The following ARHGAP10 variants were observed in gnomAD, a reference collection of about 807,000 sequenced individuals.
ARHGAP10 encodes rho GTPase-activating protein 10.
ARHGAP10 carries 87 observed loss-of-function variants against 108.6 expected under a neutral mutation model. The ratio of observed to expected loss-of-function variants is 0.80; its 90% CI spans 0.67 to 0.96. ARHGAP10 has a LOEUF of 0.96. ARHGAP10 is among the 40% of genes least tolerant of loss of function. The pLI is 0.00. For missense variants in ARHGAP10, 939 were observed against 954.5 expected, an observed-to-expected ratio of 0.98 and a Z score of 0.21; for synonymous variants, 347 against 341.1, an observed-to-expected ratio of 1.02 and a Z score of -0.19.
intron 4 of ARHGAP10, among the ~76,000 whole-genome samples, chr4:147,849,211 G>A (rs1040635109): frequency 1.3e-5 from 2 of 149,330 alleles, no homozygotes; most frequent in Non-Finnish European, 3.0e-5. Flanking sequence ...TTTTCATTAG[G>A]TTGTTAAATC....
intron 18 of ARHGAP10, among the ~76,000 whole-genome samples, chr4:147,967,415 G>A (rs546725568): frequency 3.3e-5 from 5 of 152,308 alleles, no homozygotes; most frequent in African/African-American, 4.8e-5. Context: ...AATTGGGGAA[G>A]GGTAAACTCT....
At chr4:147,953,839 A>G (rs1357409576) in intron 15 of ARHGAP10, among the ~76,000 whole-genome samples, 1 of 151,962 alleles carries the variant, frequency 6.6e-6, no homozygotes, top group African/African-American at 2.4e-5. Context: ...TCATTAAGGT[A>G]CAAAATGAAG....
intron 1 of ARHGAP10, among the ~76,000 whole-genome samples, chr4:147,763,746 CTTT>C (rs35774782): frequency 7.5e-5 from 7 of 93,174 alleles, no homozygotes; most frequent in Admixed American, 3.2e-4. Context: ...ATGGTGATTC[CTTT>C]TTTTTTTTTT....
chr4:147,796,611 C>T (rs549956306), intron 1 of ARHGAP10, among the ~76,000 whole-genome samples: 163 of 152,110 alleles, frequency 1.1e-3, no homozygotes, highest in African/African-American at 3.2e-3. Context: ...CTGCAAGCTC[C>T]GCCTCCCAGG....
At chr4:148,028,053 T>G (rs1727958965) in intron 19 of ARHGAP10, among the ~76,000 whole-genome samples, 1 of 152,184 alleles carries the variant, frequency 6.6e-6, no homozygotes, top group Non-Finnish European at 1.5e-5. Flanking sequence ...CCATTCTGTT[T>G]GTCACTGCAG....
At chr4:147,982,300 C>T (rs182182446) in intron 18 of ARHGAP10, among the ~76,000 whole-genome samples, 1 of 150,788 alleles carries the variant, frequency 6.6e-6, no homozygotes, top group East Asian at 1.9e-4. Context: ...AGTCTGATGA[C>T]TATGTGCCTT....
chr4:147,785,247 A>G (rs1458252001), intron 1 of ARHGAP10, among the ~76,000 whole-genome samples: 2 of 151,948 alleles, frequency 1.3e-5, no homozygotes, highest in African/African-American at 2.4e-5. Flanking sequence ...TTTTGCTTTT[A>G]GATTTCCCAG....
intron 3 of ARHGAP10, among the ~76,000 whole-genome samples, chr4:147,829,253 C>T (rs766281197): frequency 1.3e-5 from 2 of 152,074 alleles, no homozygotes; most frequent in East Asian, 1.9e-4. Context: ...AGGGTTTCAC[C>T]GTGGTAGCCA....
intron 3 of ARHGAP10, among the ~76,000 whole-genome samples, chr4:147,833,505 T>C (rs1302091331): frequency 6.6e-6 from 1 of 152,190 alleles, no homozygotes; most frequent in East Asian, 1.9e-4. Context: ...AGTAACTTCA[T>C]AGCAGTGTGA....
chr4:147,798,028 C>A (rs1171169026), intron 1 of ARHGAP10, among the ~76,000 whole-genome samples: 1 of 152,170 alleles, frequency 6.6e-6, no homozygotes, highest in Non-Finnish European at 1.5e-5. Flanking sequence ...GTGACTGATG[C>A]TTCTTTGTCC....
chr4:147,937,617 A>G (rs909729156), intron 13 of ARHGAP10, among the ~76,000 whole-genome samples: 1 of 152,202 alleles, frequency 6.6e-6, no homozygotes, highest in African/African-American at 2.4e-5. Context: ...ATGTATATTC[A>G]TTGCAGCCCT....
chr4:147,840,672 A>G (rs1156246150), intron 3 of ARHGAP10, among the ~76,000 whole-genome samples: 2 of 152,200 alleles, frequency 1.3e-5, no homozygotes, highest in Non-Finnish European at 2.9e-5. Context: ...TGAGCCCAGT[A>G]TGAAATTCAT....
At chr4:147,860,647 C>A (rs1734276665) in intron 5 of ARHGAP10, among the ~76,000 whole-genome samples, 1 of 152,100 alleles carries the variant, frequency 6.6e-6, no homozygotes, top group Non-Finnish European at 1.5e-5. Context: ...AATTCCATTT[C>A]TGTTTATTTT....
chr4:147,899,156 T>C (rs2126897430), intron 10 of ARHGAP10, among the ~76,000 whole-genome samples: 1 of 152,272 alleles, frequency 6.6e-6, no homozygotes, highest in Non-Finnish European at 1.5e-5. Context: ...GGAGGGCGGG[T>C]TCAGACTCTC....
chr4:148,014,039 A>G (rs1367014603), intron 18 of ARHGAP10, among the ~76,000 whole-genome samples: 1 of 152,210 alleles, frequency 6.6e-6, no homozygotes, highest in Non-Finnish European at 1.5e-5. Context: ...AGAGAGGAGA[A>G]AAGGAACCTC....
chr4:147,739,726 T>C (rs1049944800), intron 1 of ARHGAP10, among the ~76,000 whole-genome samples: 1 of 151,946 alleles, frequency 6.6e-6, no homozygotes, highest in African/African-American at 2.4e-5. Flanking sequence ...GTTTGTCACC[T>C]TATATCTTGG....
At chr4:148,061,694 A>C (rs1025113839) in intron 20 of ARHGAP10, among the ~76,000 whole-genome samples, 1 of 152,068 alleles carries the variant, frequency 6.6e-6, no homozygotes, top group Admixed American at 6.6e-5. Flanking sequence ...TACCAAGTCA[A>C]TTATGCACCA....
In ARHGAP10 at chr4:147,752,816, C is replaced by T. The variant is rs568769419; in HGVS notation, c.154+20361C>T. Among the ~76,000 whole-genome samples the T allele has an allele frequency of 3.9e-5, 6 of 152,300 alleles. No individual in the cohort carries two copies. In the South Asian group the frequency reaches 6.2e-4, roughly 16 times the overall value. On this transcript the variant is annotated intron_variant, in intron 1 of 22. Coordinates refer to ENST00000336498, the MANE Select transcript of ARHGAP10 (RefSeq NM_024605.4). ...TGCCGGGATTACAGGCGTGAGCTGCCGCACCTGGCCTGCTTTACTATTAAT... is the reference window on the plus strand; with the variant it reads ...TGCCGGGATTACAGGCGTGAGCTGCTGCACCTGGCCTGCTTTACTATTAAT...
At chr4:147,950,095 A>G (rs1738537636) in intron 15 of ARHGAP10, among the ~76,000 whole-genome samples, 1 of 152,180 alleles carries the variant, frequency 6.6e-6, no homozygotes, top group Non-Finnish European at 1.5e-5. Flanking sequence ...TGTTATTATT[A>G]TATAACTTCA....
Sources: allele counts gnomAD v4.1 joint callset (sites outside exome capture counted in the v4.1 genomes callset), GRCh38; gene constraint gnomAD v4.1.1; transcripts MANE v1.5; gene names NCBI Gene and HGNC (gene_info 2026-07-23, HGNC 2026-07-21).